SYTL3: variants seen among roughly 807,000 people sequenced by gnomAD.
SYTL3 encodes the protein synaptotagmin-like protein 3.
Under a neutral mutation model 82.1 loss-of-function variants are expected in SYTL3, and 88 were observed. The ratio of observed to expected loss-of-function variants is 1.07; its 90% CI spans 0.90 to 1.28. The LOEUF is 1.28. Ranked by LOEUF, SYTL3 falls within the 50% of genes most tolerant of loss-of-function variation. SYTL3 has a pLI of 0.00. For missense variants in SYTL3, 831 were observed against 757.6 expected (o/e 1.10, Z -1.14); for synonymous variants, 311 against 289.4 (o/e 1.07, Z -0.76).
At chr6:158,714,532 T>C (rs1351005616) in intron 9 of SYTL3, among the ~76,000 whole-genome samples, 1 of 152,218 alleles carries the variant, frequency 6.6e-6, no homozygotes, top group Non-Finnish European at 1.5e-5. Flanking sequence ...TGCAGATGCA[T>C]GTAACCTAGA....
chr6:158,754,383 C>T (rs760725528), intron 13 of SYTL3, among the ~76,000 whole-genome samples: 1 of 152,150 alleles, frequency 6.6e-6, no homozygotes, highest in Non-Finnish European at 1.5e-5. Context: ...TGGAGCAAGC[C>T]TTGTGGACCT....
At chr6:158,714,902 A>G (rs1783180513) in intron 9 of SYTL3, among the ~76,000 whole-genome samples, 1 of 152,216 alleles carries the variant, frequency 6.6e-6, no homozygotes, top group Non-Finnish European at 1.5e-5. Context: ...ATGGACATCA[A>G]AGCACTGCTC....
In SYTL3 at chr6:158,693,432, G is replaced by C. The variant is rs184068556; in HGVS notation, c.394+10443G>C. 2.0e-5 allele frequency among the ~76,000 whole-genome samples: 3 copies of C among 152,166 alleles called. No homozygotes were observed. In the East Asian group the frequency reaches 5.8e-4, roughly 29 times the overall value. On this transcript the variant is annotated intron_variant, in intron 6 of 17. Coordinates refer to ENST00000611299, the MANE Select transcript of SYTL3 (RefSeq NM_001242394.2). ...ACATGGAGTCTCACTCTGTCACCCAGGCTGGAGTGCAGTGGTGCGATCTTG... is the reference window on the plus strand; with the variant it reads ...ACATGGAGTCTCACTCTGTCACCCACGCTGGAGTGCAGTGGTGCGATCTTG...
At chr6:158,654,171 C>T (rs1193986292) in intron 2 of SYTL3, among the ~76,000 whole-genome samples, 1 of 152,194 alleles carries the variant, frequency 6.6e-6, no homozygotes, top group African/African-American at 2.4e-5. Flanking sequence ...GTCCCACCAG[C>T]CCTCTCTGCT....
intron 6 of SYTL3, among the ~76,000 whole-genome samples, chr6:158,700,122 G>A (rs2128439197): frequency 6.6e-6 from 1 of 151,968 alleles, no homozygotes; most frequent in South Asian, 2.1e-4. Flanking sequence ...CAGGCGTGGT[G>A]GTGCGTGCCT....
intron 12 of SYTL3, among the ~76,000 whole-genome samples, chr6:158,749,505 C>CTTT (rs1217000691): frequency 4.8e-4 from 45 of 94,320 alleles, no homozygotes; most frequent in African/African-American, 1.2e-3. Context: ...TTTTCTTTCT[C>CTTT]TCTTTTTTTT....
chr6:158,754,688 C>G (rs768734971), intron 13 of SYTL3, among the ~76,000 whole-genome samples: 1 of 152,242 alleles, frequency 6.6e-6, no homozygotes, highest in Non-Finnish European at 1.5e-5. Flanking sequence ...CCACTGCACT[C>G]CAGCCTGGGC....
chr6:158,758,721 C>G (rs1006868696), intron 14 of SYTL3, among the ~76,000 whole-genome samples: 1 of 152,104 alleles, frequency 6.6e-6, no homozygotes, highest in Admixed American at 6.5e-5. Context: ...CGGGCTTAGA[C>G]CTCCCCTTCC....
At position 158,663,266 on chromosome 6, in the gene SYTL3, G is replaced by T. The variant is rs752998958; in HGVS notation, c.-3G>T. The T allele has an allele frequency of 7.4e-6, 12 of 1,613,952 alleles. No homozygotes were observed. The highest frequency in any genetic ancestry group is 2.2e-5 in the East Asian group (1 of 44,886). On this transcript the variant is annotated 5_prime_UTR_variant, in exon 4 of 18. Transcript: ENST00000611299. ...AACCTGGGTCAACGAAAACGGAGAA[G>T]AAATGGCCCAAGAAATAGATCTGAG...
At chr6:158,663,444 C>T (rs1028890300) in intron 4 of SYTL3, 66 bp downstream of exon 4, 39 of 1,581,746 alleles carry the variant, frequency 2.5e-5, no homozygotes, top group South Asian at 6.8e-5. Context: ...CCTGCCACTC[C>T]GTCGCCAATG....
In SYTL3 at chr6:158,660,576, C is replaced by T. The variant is rs746834533; in HGVS notation, c.-636-693C>T. Among the ~76,000 whole-genome samples the T allele has an allele frequency of 6.6e-5, 10 of 152,150 alleles. No homozygotes were observed. The East Asian group carries it at 1.5e-3, about 23-fold the overall frequency. ...AAGACCTAATAGCCACCTGTATGAG[C>T]GAGCGGTTGAGTATTTCAGATTCCC... On this transcript the variant is annotated intron_variant, in intron 2 of 17. Transcript: ENST00000611299.
intron 11 of SYTL3, among the ~76,000 whole-genome samples, chr6:158,740,582 G>C (rs924677403): frequency 8.5e-5 from 13 of 152,168 alleles, no homozygotes; most frequent in Admixed American, 6.5e-4. Flanking sequence ...CTCAGGACTC[G>C]CCTGGTTTTG....
intron 6 of SYTL3, among the ~76,000 whole-genome samples, chr6:158,696,795 A>G (rs1293804937): frequency 6.6e-6 from 1 of 152,146 alleles, no homozygotes; most frequent in South Asian, 2.1e-4. Context: ...TACAGTAATC[A>G]AAACAGTGTG....
rs528795065 is a variant in SYTL3, at chr6:158,738,770, AC to A, written c.856-6708del. ...CCTCCTGGGTTCAAGTGATTCTCCC[AC>A]CTCAGCCTACCAAGTAGCTGAGATG... On this transcript the variant is annotated intron_variant, in intron 11 of 17. Coordinates refer to ENST00000611299, the MANE Select transcript of SYTL3 (RefSeq NM_001242394.2). Among the ~76,000 whole-genome samples the A allele has an allele frequency of 4.6e-3, 695 of 152,124 alleles. 5 individuals are homozygous for A. The highest frequency in any genetic ancestry group is 6.8e-3 in the Middle Eastern group (2 of 294).
At chr6:158,715,244 CTGTGAAT>C (rs1204796612) in intron 9 of SYTL3, among the ~76,000 whole-genome samples, 1 of 152,158 alleles carries the variant, frequency 6.6e-6, no homozygotes, top group African/African-American at 2.4e-5. Context: ...TATGTGGCTT[CTGTGAAT>C]TGTCTTCCAC....
intron 13 of SYTL3, among the ~76,000 whole-genome samples, chr6:158,752,794 T>G (rs1788557396): frequency 6.6e-6 from 1 of 152,186 alleles, no homozygotes; most frequent in South Asian, 2.1e-4. Context: ...TCTTGGCAAG[T>G]AGGGGGTGTC....
chr6:158,645,595 C>G (rs1162588797), upstream of SYTL3, among the ~76,000 whole-genome samples: 1 of 152,182 alleles, frequency 6.6e-6, no homozygotes, highest in Non-Finnish European at 1.5e-5. Flanking sequence ...AACTTCAAAT[C>G]CCACATCTAA....
intron 12 of SYTL3, among the ~76,000 whole-genome samples, chr6:158,747,664 T>A (rs1787848770): frequency 6.6e-6 from 1 of 152,134 alleles, no homozygotes; most frequent in Admixed American, 6.5e-5. Context: ...TTTAACTTAT[T>A]TTTGTAGAGA....
intron 5 of SYTL3, among the ~76,000 whole-genome samples, chr6:158,677,511 T>C (rs984779334): frequency 2.6e-5 from 4 of 151,946 alleles, no homozygotes; most frequent in Admixed American, 2.6e-4. Context: ...GTAACACACC[T>C]GCACGTTGTG....
Sources: gnomAD v4.1 joint callset for allele counts (sites outside exome capture counted in the v4.1 genomes callset) on GRCh38, gnomAD v4.1.1 for gene constraint, MANE v1.5 for transcripts, NCBI Gene and HGNC (gene_info 2026-07-23, HGNC 2026-07-21) for gene names.